The following EXD3 variants were observed in gnomAD, a reference collection of about 807,000 sequenced individuals.
EXD3 encodes the protein exonuclease mut-7 homolog.
EXD3 carries 92 observed loss-of-function variants against 98.0 expected under a neutral mutation model. That is an observed-to-expected ratio of 0.94 (90% CI 0.79 to 1.12). EXD3 has a LOEUF of 1.12. EXD3 is among the 50% of genes most tolerant of loss of function. The probability of loss-of-function intolerance (pLI) is 0.00; values close to 1 mark genes in which losing one functional copy is unlikely to be tolerated. For synonymous variants in EXD3, 569 were observed against 526.0 expected (o/e 1.08, Z -1.12); for missense variants, 1,222 against 1,191.6 (o/e 1.03, Z -0.38).
At chr9:137,383,889 A>G (rs1463309669) in intron 2 of EXD3, among the ~76,000 whole-genome samples, 2 of 151,920 alleles carry the variant, frequency 1.3e-5, no homozygotes, top group Non-Finnish European at 2.9e-5. Context: ...CAAAAGTGCC[A>G]ACCAAAGACG....
At chr9:137,312,078 G>A (rs1373445577) in intron 19 of EXD3, among the ~76,000 whole-genome samples, 2 of 152,190 alleles carry the variant, frequency 1.3e-5, no homozygotes, top group African/African-American at 4.8e-5. Flanking sequence ...TTCTCACGCC[G>A]CCTCCTTCCA....
intron 1 of EXD3, among the ~76,000 whole-genome samples, chr9:137,418,236 A>G (rs530761129): frequency 3.3e-5 from 5 of 152,242 alleles, no homozygotes; most frequent in African/African-American, 1.2e-4. Flanking sequence ...AGTCCCAGCT[A>G]ACTCAGGAGG....
chr9:137,348,362 CTG>C (rs1347935955), intron 16 of EXD3, 124 bp from the exon 17 acceptor site: 2 of 1,117,550 alleles, frequency 1.8e-6, no homozygotes, highest in Non-Finnish European at 2.5e-6. Context: ...AAAGATAAAA[CTG>C]TGTGTGCTGT....
intron 19 of EXD3, among the ~76,000 whole-genome samples, chr9:137,313,954 A>G (rs1008766904): frequency 2.6e-5 from 4 of 152,146 alleles, no homozygotes; most frequent in African/African-American, 9.7e-5. Flanking sequence ...AGATCCTCAC[A>G]TCGGGAAGAG....
intron 2 of EXD3, among the ~76,000 whole-genome samples, chr9:137,391,017 T>G (rs1279392121): frequency 1.3e-5 from 2 of 152,174 alleles, no homozygotes; most frequent in Non-Finnish European, 2.9e-5. Context: ...TGTCCACACC[T>G]CTGGGGGACC....
intron 3 of EXD3, among the ~76,000 whole-genome samples, chr9:137,374,044 A>T (rs1452146433): frequency 6.6e-6 from 1 of 152,252 alleles, no homozygotes; most frequent in Middle Eastern, 3.2e-3. Context: ...GAGATTTGGG[A>T]AACGGATAAG....
At position 137,308,979 on chromosome 9, in the gene EXD3, T is replaced by C. The variant is rs764957463; in HGVS notation, c.2278+628A>G. 4.6e-5 allele frequency among the ~76,000 whole-genome samples: 7 copies of C among 152,198 alleles called. No homozygotes were observed. In the Middle Eastern group the frequency reaches 0.01, roughly 222 times the overall value. ...CTCTTTCTATCCACCTCCATTCCCT[T>C]AGCCCCCGTGCCAGCCCCCGACTGA... On this transcript the variant is annotated intron_variant, in intron 20 of 21. Coordinates refer to ENST00000340951, the MANE Select transcript of EXD3 (RefSeq NM_017820.5).
chr9:137,354,487 A>T, intron 9 of EXD3, 110 bp from the exon 10 acceptor site: 1 of 1,563,290 alleles, frequency 6.4e-7, no homozygotes, highest in Non-Finnish European at 8.6e-7. Context: ...GGCAGAGCCC[A>T]GGTGCTCACC....
At chr9:137,351,939 TG>T in intron 12 of EXD3, 126 bp downstream of exon 12, 1 of 1,256,282 alleles carries the variant, frequency 8.0e-7, no homozygotes, top group Non-Finnish European at 1.1e-6. Context: ...ACAGCAGCCC[TG>T]GGGCACCTGG....
chr9:137,396,671 C>T (rs758146562), intron 1 of EXD3, among the ~76,000 whole-genome samples: 1 of 152,218 alleles, frequency 6.6e-6, no homozygotes, highest in African/African-American at 2.4e-5. Flanking sequence ...AAAAAAGTTA[C>T]GTGGACATCG....
At chr9:137,328,231 A>G (rs74185671) in intron 17 of EXD3, among the ~76,000 whole-genome samples, 44 of 8,280 alleles carry the variant, frequency 5.3e-3, no homozygotes, top group Non-Finnish European at 7.1e-3. Flanking sequence ...TAAAAACAAC[A>G]AATATACACC....
At position 137,405,030 on chromosome 9, in the gene EXD3, G is replaced by A. The variant is rs1197115164; in HGVS notation, c.-47-9626C>T. Among the ~76,000 whole-genome samples, 1 of 152,134 alleles carries A rather than the reference G, an allele frequency of 6.6e-6. No individual in the cohort carries two copies. Among genetic ancestry groups the A allele is most frequent in the Non-Finnish European group, 1.5e-5 (1 of 68,010 alleles). On this transcript the variant is annotated intron_variant, in intron 1 of 21. Transcript: ENST00000340951. This position sits in a 1 kb window ranked among gnomAD's most constrained non-coding sequence, Gnocchi z 4.1. ...CAGTGCTATCCCCCAGGCGAGCCGG[G>A]TGCTGGGAGGGGACACGTGCTGTCT... is the stretch of plus-strand genomic sequence containing the variant.
At chr9:137,310,953 G>A (rs949242750) in intron 19 of EXD3, among the ~76,000 whole-genome samples, 25 of 152,360 alleles carry the variant, frequency 1.6e-4, no homozygotes, top group Admixed American at 1.2e-3. Context: ...AGATGACATG[G>A]CTGCCGCAGG....
At chr9:137,354,432 G>T in intron 9 of EXD3, 55 bp from the exon 10 acceptor site, 3 of 1,609,818 alleles carry the variant, frequency 1.9e-6, no homozygotes. Flanking sequence ...GGCTGTATCG[G>T]GGCCTGGTGG....
In EXD3 at chr9:137,359,220, C is replaced by T. The variant is rs1311730038; in HGVS notation, c.657-2852G>A. On this transcript the variant is annotated intron_variant, in intron 7 of 21. Transcript: ENST00000340951. ...TCCTGACCTCATGATCTGCCTGCCT[C>T]GGCCTCCCAAAGTGCTGGGATTACA... 1.6e-4 allele frequency among the ~76,000 whole-genome samples: 13 copies of T among 83,142 alleles called. 5 individuals are homozygous for T. Among genetic ancestry groups the T allele is most frequent in the Middle Eastern group, 0.019 (2 of 108 alleles). The allele number at this position is 83,142 out of a possible 152,430, so 54.5% of individuals were successfully genotyped here. A position where few individuals can be genotyped will look rare whatever the true frequency, so the allele number is the denominator to read the frequency against.
Position 137,306,936 on chromosome 9 carries a change from T to C in EXD3, c.*14A>G. On this transcript the variant is annotated 3_prime_UTR_variant, in exon 22 of 22. Coordinates refer to ENST00000340951, the MANE Select transcript of EXD3 (RefSeq NM_017820.5). ...AGCAGTCGGGCACTTTCCATGTTTATTGTCTGGCTGTCCTCAGAAGGGACT... is the reference window on the plus strand; with the variant it reads ...AGCAGTCGGGCACTTTCCATGTTTACTGTCTGGCTGTCCTCAGAAGGGACT... The C allele has an allele frequency of 6.5e-7, 1 of 1,544,764 alleles. No individual in the cohort carries two copies. Among genetic ancestry groups the C allele is most frequent in the Non-Finnish European group, 8.7e-7 (1 of 1,144,052 alleles).
intron 1 of EXD3, among the ~76,000 whole-genome samples, chr9:137,408,630 C>T (rs2131817726): frequency 6.6e-6 from 1 of 151,936 alleles, no homozygotes; most frequent in East Asian, 1.9e-4. Flanking sequence ...CTCAGCAAGG[C>T]CCTCCAGGGA....
chr9:137,349,155 C>T lies in EXD3; in HGVS notation c.1785G>A (p.Lys595=), dbSNP rs1384864350. The T allele has an allele frequency of 6.3e-7, 1 of 1,597,228 alleles. No homozygotes were observed. The highest frequency in any genetic ancestry group is 1.1e-5 in the South Asian group (1 of 90,062). Residue 595 remains lysine, a synonymous_variant, in exon 16 of 22, where the codon AAG becomes AAA. Coordinates refer to ENST00000340951, the MANE Select transcript of EXD3 (RefSeq NM_017820.5). This position sits in a 1 kb window ranked among gnomAD's most constrained non-coding sequence, Gnocchi z 7.4. ...PRHRERPGAR[K]PPGLQKASAP... ...CTGACGCTTTCTGCAGGCCGGGTGG[C>T]TTCCGTGCCCCTGGTCTCTCTCTGT...
chr9:137,399,047 G>A (rs1449704732), intron 1 of EXD3, among the ~76,000 whole-genome samples: 1 of 151,874 alleles, frequency 6.6e-6, no homozygotes, highest in Non-Finnish European at 1.5e-5. Flanking sequence ...GACATACACA[G>A]ACTGTCCCTG....
Sources: allele counts gnomAD v4.1 joint callset (sites outside exome capture counted in the v4.1 genomes callset), GRCh38; gene constraint gnomAD v4.1.1; non-coding constraint Gnocchi (gnomAD v3.1); transcripts MANE v1.5; gene names NCBI Gene and HGNC (gene_info 2026-07-23, HGNC 2026-07-21).